MDN1: variants seen among roughly 807,000 people sequenced by gnomAD.
MDN1 encodes midasin.
MDN1 carries 266 observed loss-of-function variants against 669.2 expected under a neutral mutation model. The observed-to-expected ratio is 0.40, with a 90% confidence interval of 0.36 to 0.44. MDN1 has a LOEUF of 0.44. Among genes scored for constraint, MDN1 ranks in the 20% least tolerant of loss-of-function variants. The probability of loss-of-function intolerance (pLI) is 1.00; values close to 1 mark genes in which losing one functional copy is unlikely to be tolerated. For synonymous variants in MDN1, 2,385 were observed against 2,457.1 expected (o/e 0.97, Z 0.87); for missense variants, 5,940 against 6,754.0 (o/e 0.88, Z 4.22).
chr6:89,726,568 T>C (rs562499517), intron 37 of MDN1, among the ~76,000 whole-genome samples: 1 of 151,660 alleles, frequency 6.6e-6, no homozygotes, highest in South Asian at 2.1e-4. Context: ...CTTTAAATAC[T>C]TTCCCATCTC....
intron 33 of MDN1, among the ~76,000 whole-genome samples, chr6:89,736,885 G>T (rs1468731761): frequency 2.0e-5 from 3 of 152,202 alleles, no homozygotes. Flanking sequence ...AGAGTCATGG[G>T]TTCTGAGTTC....
intron 53 of MDN1, among the ~76,000 whole-genome samples, chr6:89,705,669 G>A (rs193145416): frequency 2.5e-4 from 38 of 152,200 alleles, no homozygotes; most frequent in African/African-American, 7.5e-4. Flanking sequence ...ATAATTCCAC[G>A]TATAGAAAAT....
Position 89,761,749 on chromosome 6 carries a change from C to A in MDN1, c.2357-1G>T. On this transcript the variant is annotated splice_acceptor_variant, in intron 16 of 101. Transcript: ENST00000369393. LOFTEE classifies it high-confidence loss of function. ...TCCCATTTCTCTTTTATGAGTAACCCTAAAAAAGAAAGACAAGAATTCAGC... is the reference window on the plus strand; with the variant it reads ...TCCCATTTCTCTTTTATGAGTAACCATAAAAAAGAAAGACAAGAATTCAGC... 1 of 1,590,348 alleles carries A rather than the reference C, an allele frequency of 6.3e-7. No homozygotes were observed. The highest frequency in any genetic ancestry group is 8.6e-7 in the Non-Finnish European group (1 of 1,162,726).
At chr6:89,681,051 C>T (rs1266767993) in intron 73 of MDN1, among the ~76,000 whole-genome samples, 3 of 152,212 alleles carry the variant, frequency 2.0e-5, no homozygotes, top group Admixed American at 2.0e-4. Context: ...TGAATAATAT[C>T]ACTGCTGCCC....
At chr6:89,757,644 G>A (rs975840950) in intron 19 of MDN1, among the ~76,000 whole-genome samples, 8 of 152,150 alleles carry the variant, frequency 5.3e-5, no homozygotes, top group East Asian at 1.9e-4. Flanking sequence ...ATCTAAAAAC[G>A]AAGTCTTGGT....
At chr6:89,805,394 T>C (rs1767950598) in intron 1 of MDN1, among the ~76,000 whole-genome samples, 1 of 152,022 alleles carries the variant, frequency 6.6e-6, no homozygotes, top group Non-Finnish European at 1.5e-5. Flanking sequence ...ATAGAAAAAT[T>C]AGCCAGGCTT....
intron 1 of MDN1, among the ~76,000 whole-genome samples, chr6:89,812,271 A>T (rs1216084675): frequency 1.3e-5 from 2 of 151,884 alleles, no homozygotes; most frequent in Non-Finnish European, 2.9e-5. Context: ...GGCGTGAGCC[A>T]CCGCGCCCAG....
chr6:89,667,901 A>T, intron 84 of MDN1, 113 bp downstream of exon 84: 1 of 1,336,840 alleles, frequency 7.5e-7, no homozygotes, highest in Non-Finnish European at 1.0e-6. Context: ...AGGGCTCTGT[A>T]GATCACAGAT....
Position 89,658,147 on chromosome 6 carries a change from C to T in MDN1, c.15183+62G>A, listed in dbSNP as rs577465132. 2.5e-5 allele frequency: 40 copies of T among 1,587,314 alleles called. No homozygotes were observed. In the East Asian group the frequency reaches 2.7e-4, roughly 11 times the overall value. ...ACTAATGCTACACAGAATGTGATGT[C>T]GGACAGGGAGAAGAGACCCTACTAA... On this transcript the variant is annotated intron_variant, in intron 90 of 101. Transcript: ENST00000369393.
intron 9 of MDN1, among the ~76,000 whole-genome samples, chr6:89,784,374 C>T (rs534826931): frequency 6.6e-6 from 1 of 152,130 alleles, no homozygotes; most frequent in African/African-American, 2.4e-5. Flanking sequence ...CACATATTTA[C>T]CTATATACCT....
chr6:89,762,294 A>G (rs924104492), intron 16 of MDN1, 25 bp downstream of exon 16: 9 of 1,591,034 alleles, frequency 5.7e-6, no homozygotes, highest in Admixed American at 1.7e-5. Flanking sequence ...GCCCTCCCCC[A>G]TGGCAGCCTG....
intron 101 of MDN1, 36 bp downstream of exon 101, chr6:89,644,979 T>C (rs1385305574): frequency 6.4e-6 from 10 of 1,565,274 alleles, no homozygotes; most frequent in African/African-American, 2.7e-5. Flanking sequence ...ATCCCCACTT[T>C]ACCTCCAGAA....
At chr6:89,668,366 A>G (rs1475110048) in intron 83 of MDN1, among the ~76,000 whole-genome samples, 1 of 152,214 alleles carries the variant, frequency 6.6e-6, no homozygotes, top group Admixed American at 6.5e-5. Context: ...CAGATTTAAC[A>G]TATGACTTGA....
intron 2 of MDN1, among the ~76,000 whole-genome samples, chr6:89,800,677 C>T (rs191202703): frequency 2.6e-5 from 4 of 152,242 alleles, no homozygotes; most frequent in African/African-American, 9.6e-5. Flanking sequence ...AGCAAATAAT[C>T]AAACCTGAAG....
At chr6:89,749,176 T>C in intron 26 of MDN1, 47 bp downstream of exon 26, 2 of 1,502,572 alleles carry the variant, frequency 1.3e-6, no homozygotes, top group South Asian at 2.8e-5. Flanking sequence ...AGCCATGAAA[T>C]TTTGATCACC....
Position 89,761,740 on chromosome 6 carries a change from T to C in MDN1, c.2365A>G (p.Ile789Val). The stretch of plus-strand genomic sequence containing the variant: ...CCAAATGCTTCCCATTTCTCTTTTA[T>C]GAGTAACCCTAAAAAAGAAAGACAA... The part of the protein sequence containing the change: ...DGKDSETGLL[I>V]KEKWEAFGLR... Residue 789 changes from isoleucine (I) to valine (V), a missense_variant, in exon 17 of 102, where the codon ATA becomes GTA. Around this residue, in one of 5 missense-constraint regions of MDN1, gnomAD observed 1,203 missense variants for 1,268.9 expected, o/e 0.95. Coordinates refer to ENST00000369393, the MANE Select transcript of MDN1 (RefSeq NM_014611.3). The C allele has an allele frequency of 6.2e-7, 1 of 1,603,122 alleles. No individual in the cohort carries two copies. Among genetic ancestry groups the C allele is most frequent in the Non-Finnish European group, 8.5e-7 (1 of 1,172,436 alleles).
At chr6:89,678,287 C>T (rs1481917913) in intron 75 of MDN1, among the ~76,000 whole-genome samples, 1 of 152,120 alleles carries the variant, frequency 6.6e-6, no homozygotes. Flanking sequence ...TGAGATCACA[C>T]CGCTGCACTA....
rs1341296866 is a variant in MDN1, at chr6:89,705,240, T to C, written c.8148+819A>G. 2.0e-5 allele frequency among the ~76,000 whole-genome samples: 3 copies of C among 152,352 alleles called. No individual in the cohort carries two copies. In the South Asian group the frequency reaches 6.2e-4, roughly 32 times the overall value. The stretch of plus-strand genomic sequence containing the variant: ...ATATTAACGTGAAATTCTTTGCTAC[T>C]GTATTTTTAAGCAAATTTATGGGTT... On this transcript the variant is annotated intron_variant, in intron 53 of 101. Transcript: ENST00000369393.
intron 37 of MDN1, among the ~76,000 whole-genome samples, chr6:89,726,762 T>C (rs1815265691): frequency 6.6e-6 from 1 of 152,200 alleles, no homozygotes; most frequent in South Asian, 2.1e-4. Context: ...CATGTGTGGT[T>C]TGTTGGTAAC....
Sources: gnomAD v4.1 joint callset for allele counts (sites outside exome capture counted in the v4.1 genomes callset) on GRCh38, gnomAD v4.1.1 for gene constraint, gnomAD v4.1.1 regional missense constraint, MANE v1.5 for transcripts, NCBI Gene and HGNC (gene_info 2026-07-23, HGNC 2026-07-21) for gene names.